The following ZBTB41 variants were observed in gnomAD, a reference collection of about 807,000 sequenced individuals.
The protein encoded by ZBTB41 is zinc finger and BTB domain containing 41, also known as zinc finger and BTB domain-containing protein 41.
In ZBTB41, 42 loss-of-function variants were observed where a neutral mutation model predicts 87.6. That is an observed-to-expected ratio of 0.48 (90% confidence interval 0.37 to 0.62). ZBTB41 has a LOEUF of 0.62. Among genes scored for constraint, ZBTB41 ranks in the 20% least tolerant of loss-of-function variants. ZBTB41 has a pLI of 0.00. For synonymous variants in ZBTB41, 364 were observed against 364.0 expected (o/e 1.00, Z 0.00); for missense variants, 799 against 1,078.9 (o/e 0.74, Z 3.63).
chr1:197,172,309 CAAT>C (rs1409750467), intron 9 of ZBTB41, 61 bp from the exon 10 acceptor site: 3 of 477,146 alleles, frequency 6.3e-6, no homozygotes, highest in Non-Finnish European at 9.7e-6. Flanking sequence ...ATAAATATGA[CAAT>C]ATTAATAATT....
intron 8 of ZBTB41, among the ~76,000 whole-genome samples, chr1:197,176,185 T>A (rs973703523): frequency 6.6e-6 from 1 of 152,074 alleles, no homozygotes; most frequent in Admixed American, 6.6e-5. Context: ...AATATGTAAG[T>A]TTCACCAACT....
At position 197,153,798 on chromosome 1, in the gene ZBTB41, T is replaced by A. The variant is rs1293536812; in HGVS notation, c.*5561A>T. The A allele has an allele frequency of 6.6e-6, 1 of 152,180 alleles. No homozygotes were observed. Among genetic ancestry groups the A allele is most frequent in the Non-Finnish European group, 1.5e-5 (1 of 68,020 alleles). The allele number at this position is 152,180 out of a possible 1,614,324, so 9.4% of individuals were successfully genotyped here. ...AACTGAAATTTTCTATAAAGACATT[T>A]ATACTTAGGAAACATCAGACAACCA... On this transcript the variant is annotated 3_prime_UTR_variant, in exon 11 of 11. Transcript: ENST00000367405.
intron 10 of ZBTB41, among the ~76,000 whole-genome samples, chr1:197,164,009 GAATA>G (rs1446799849): frequency 6.6e-6 from 1 of 151,788 alleles, no homozygotes; most frequent in Non-Finnish European, 1.5e-5. Flanking sequence ...AAACAGTAAA[GAATA>G]AATACATGGT....
Position 197,200,129 on chromosome 1 carries a change from C to T in ZBTB41, c.345G>A (p.Ala115=). 1 of 1,613,876 alleles carries T rather than the reference C, an allele frequency of 6.2e-7. No individual in the cohort carries two copies. Among genetic ancestry groups the T allele is most frequent in the Non-Finnish European group, 8.5e-7 (1 of 1,180,010 alleles). Residue 115 remains alanine (A), a synonymous_variant, in exon 2 of 11, where the codon GCG becomes GCA. Coordinates refer to ENST00000367405, the MANE Select transcript of ZBTB41 (RefSeq NM_194314.3). ...VVAVGSSYFH[A]CLSKNPSTDV... Reference sequence around the variant, plus strand: ...CAGTGCTTGGATTTTTGCTCAAACACGCATGAAAATAACTACTGCCGACAG... The same window carrying T: ...CAGTGCTTGGATTTTTGCTCAAACATGCATGAAAATAACTACTGCCGACAG...
In ZBTB41 at chr1:197,159,746, T is replaced by C. The variant is rs750322604; in HGVS notation, c.2343A>G (p.Thr781=). The C allele has an allele frequency of 1.7e-5, 28 of 1,614,052 alleles. No individual in the cohort carries two copies. The South Asian group carries it at 3.1e-4, about 18-fold the overall frequency. The change falls in exon 11 of 11, where the codon ACA becomes ACG. Residue 781 remains threonine, a synonymous_variant. Coordinates refer to ENST00000367405, the MANE Select transcript of ZBTB41 (RefSeq NM_194314.3). The stretch of plus-strand genomic sequence containing the variant: ...CTTTGGGCTGGTCCATATATTGTTT[T>C]GTTTCTGTTTGAAAGATTTTGTCAT... ...SSDDKIFQTE[T]KQYMDQPKVY... is the part of the protein sequence containing the mutation.
chr1:197,201,153 G>A (rs1440916492), intron 1 of ZBTB41, among the ~76,000 whole-genome samples, 70 bp downstream of exon 1: 3 of 152,198 alleles, frequency 2.0e-5, no homozygotes, highest in African/African-American at 7.2e-5. Context: ...CGGAGAATGC[G>A]CTTGTAGTCG....
At chr1:197,166,063 G>A (rs962116268) in intron 10 of ZBTB41, among the ~76,000 whole-genome samples, 4 of 152,102 alleles carry the variant, frequency 2.6e-5, no homozygotes, top group Non-Finnish European at 5.9e-5. Flanking sequence ...CCTGGGGAGG[G>A]ATAGCATAAG....
Position 197,156,326 on chromosome 1 carries a change from T to G in ZBTB41, c.*3033A>C, listed in dbSNP as rs1289986406. The G allele has an allele frequency of 6.6e-6, 1 of 152,270 alleles. No individual in the cohort carries two copies. The highest frequency in any genetic ancestry group is 1.9e-4 in the East Asian group (1 of 5,200). The allele number at this position is 152,270 out of a possible 1,614,324, so 9.4% of individuals were successfully genotyped here. A position where few individuals can be genotyped will look rare whatever the true frequency, so the allele number is the denominator to read the frequency against. Reference sequence around the variant, plus strand: ...CTATTTAATACCTACTAAAAATCTTTGGTGCATTTAAGTCAAAACCCATTA... The same window carrying G: ...CTATTTAATACCTACTAAAAATCTTGGGTGCATTTAAGTCAAAACCCATTA... On this transcript the variant is annotated 3_prime_UTR_variant, in exon 11 of 11. Coordinates refer to ENST00000367405, the MANE Select transcript of ZBTB41 (RefSeq NM_194314.3).
intron 2 of ZBTB41, among the ~76,000 whole-genome samples, chr1:197,193,945 G>T (rs1440525337): frequency 6.6e-6 from 1 of 152,160 alleles, no homozygotes; most frequent in Non-Finnish European, 1.5e-5. Context: ...ACTGGGGATT[G>T]ACTGTGCATG....
At chr1:197,170,709 G>C (rs1316615007) in intron 10 of ZBTB41, among the ~76,000 whole-genome samples, 1 of 152,124 alleles carries the variant, frequency 6.6e-6, no homozygotes, top group East Asian at 1.9e-4. Flanking sequence ...TTGGTAAATA[G>C]AGTTTTATTG....
At position 197,159,127 on chromosome 1, in the gene ZBTB41, C is replaced by T. The variant is rs1335921322; in HGVS notation, c.*232G>A. ...TTTAAGAAACCATTAAAAGTTAGCA[C>T]TAAATAATCTTTAAAAATCACAAAA... On this transcript the variant is annotated 3_prime_UTR_variant, in exon 11 of 11. Transcript: ENST00000367405. The T allele has an allele frequency of 2.2e-6, 1 of 460,956 alleles. No homozygotes were observed. Among genetic ancestry groups the T allele is most frequent in the Non-Finnish European group, 3.8e-6 (1 of 262,526 alleles). 28.6% of individuals were successfully genotyped at this position (460,956 alleles called of 1,614,324 possible).
rs202246879 is a variant in ZBTB41 at position 197,178,544 on chromosome 1, T to A, written c.1677-32A>T. ...TAAAATATATAGATTCGAGATTTTT[T>A]AAATGCCTATATATAGTAAATAGAT... On this transcript the variant is annotated intron_variant, in intron 6 of 10. Transcript: ENST00000367405. 1.2e-5 allele frequency: 18 copies of A among 1,489,956 alleles called. No individual in the cohort carries two copies. In the East Asian group the frequency reaches 3.7e-4, roughly 31 times the overall value. 92.3% of individuals were successfully genotyped at this position (1,489,956 alleles called of 1,614,324 possible).
intron 5 of ZBTB41, among the ~76,000 whole-genome samples, chr1:197,187,960 G>A (rs1255100194): frequency 6.6e-6 from 1 of 152,156 alleles, no homozygotes; most frequent in East Asian, 1.9e-4. Context: ...TTACAGGTTT[G>A]TCTAAAACAA....
Position 197,200,288 on chromosome 1 carries a change from C to A in ZBTB41, c.186G>T (p.Lys62Asn). The A allele has an allele frequency of 6.2e-7, 1 of 1,613,006 alleles. No homozygotes were observed. The highest frequency in any genetic ancestry group is 8.5e-7 in the Non-Finnish European group (1 of 1,179,758). ...TATTATACTGCAAAGAACTTAAAAG[C>A]TTTCTCTGATCTGGAGAGGGAGGAA... ...QELPPSPDQRKLLSSLQYNKN... is the reference protein window; with the variant it reads ...QELPPSPDQRNLLSSLQYNKN... Residue 62 changes from lysine to asparagine, a missense_variant, in exon 2 of 11, where the codon AAG becomes AAT. Lys to Asn is a moderately conservative substitution (Grantham distance 94). Coordinates refer to ENST00000367405, the MANE Select transcript of ZBTB41 (RefSeq NM_194314.3).
At chr1:197,194,269 C>T (rs1471217119) in intron 2 of ZBTB41, among the ~76,000 whole-genome samples, 10 of 152,180 alleles carry the variant, frequency 6.6e-5, no homozygotes, top group Admixed American at 3.9e-4. Context: ...CCGTCCACCT[C>T]GGCCTCCCAA....
rs1553231069 is a variant in ZBTB41, at chr1:197,175,431, A to AAAATATATATATATATATATAT, written c.1880-317_1880-316insATATATATATATATATATATTT. The stretch of plus-strand genomic sequence containing the variant: ...ACTACTTCAAAACTTAGGAATTTTA[A>AAAATATATATATATATATATAT]ATATATATATATATATATGTCTGTA... On this transcript the variant is annotated intron_variant, in intron 8 of 10. Coordinates refer to ENST00000367405, the MANE Select transcript of ZBTB41 (RefSeq NM_194314.3). 5.6e-5 allele frequency among the ~76,000 whole-genome samples: 4 copies of AAAATATATATATATATATATAT among 71,594 alleles called. No individual in the cohort carries two copies. The South Asian group carries it at 2.5e-3, about 45-fold the overall frequency. The allele number at this position is 71,594 out of a possible 152,430, so 47.0% of individuals were successfully genotyped here.
chr1:197,188,038 A>G (rs1443958911), intron 5 of ZBTB41, among the ~76,000 whole-genome samples: 4 of 152,192 alleles, frequency 2.6e-5, no homozygotes, highest in Non-Finnish European at 5.9e-5. Context: ...TGATGTACCA[A>G]CGTAGGTTCT....
In ZBTB41 at chr1:197,199,485, T is replaced by A; in HGVS notation, c.989A>T (p.Asp330Val). 6.2e-7 allele frequency: 1 copy of A among 1,613,196 alleles called. No homozygotes were observed. The highest frequency in any genetic ancestry group is 1.3e-5 in the African/African-American group (1 of 74,926). Residue 330 changes from aspartate to valine, a missense_variant, in exon 2 of 11, where the codon GAT becomes GTT. Transcript: ENST00000367405. ...IEEQSEKDHNDAEEEPEAGDS... is the reference protein window; with the variant it reads ...IEEQSEKDHNVAEEEPEAGDS... ...ACCAGCCTCAGGTTCTTCTTCTGCATCATTATGATCCTTTTCACTTTGTTC... is the reference window on the plus strand; with the variant it reads ...ACCAGCCTCAGGTTCTTCTTCTGCAACATTATGATCCTTTTCACTTTGTTC...
intron 10 of ZBTB41, among the ~76,000 whole-genome samples, chr1:197,167,926 C>CAG (rs139322975): frequency 3.3e-4 from 50 of 150,886 alleles, no homozygotes; most frequent in Admixed American, 2.8e-3. Flanking sequence ...CCCTGAAAGA[C>CAG]AGAGAGAGAG....
Sources: gnomAD v4.1 joint callset for allele counts (sites outside exome capture counted in the v4.1 genomes callset) on GRCh38, gnomAD v4.1.1 for gene constraint, MANE v1.5 for transcripts, NCBI Gene and HGNC (gene_info 2026-07-23, HGNC 2026-07-21) for gene names.